SPOPL: variants seen among roughly 807,000 people sequenced by gnomAD.
SPOPL encodes the protein speckle-type POZ protein-like.
SPOPL carries 23 observed loss-of-function variants against 53.8 expected under a neutral mutation model. That is an observed-to-expected ratio of 0.43 (90% CI 0.31 to 0.61). The LOEUF (loss-of-function observed/expected upper bound fraction) is 0.61, where lower values mean the gene tolerates loss of function less well. SPOPL is among the 20% of genes least tolerant of loss of function. The probability of loss-of-function intolerance (pLI) is 0.12; values close to 1 mark genes in which losing one functional copy is unlikely to be tolerated. For missense variants in SPOPL, 442 were observed against 466.9 expected (o/e 0.95, Z 0.49); for synonymous variants, 164 against 149.7 (o/e 1.10, Z -0.70).
At chr2:138,566,090 T>A (rs1428756887) in intron 10 of SPOPL, among the ~76,000 whole-genome samples, 1 of 152,176 alleles carries the variant, frequency 6.6e-6, no homozygotes, top group African/African-American at 2.4e-5. Flanking sequence ...TTCCCATTGC[T>A]TTAATCTGTT....
At chr2:138,514,321 G>C (rs372368011) in intron 1 of SPOPL, among the ~76,000 whole-genome samples, 24 of 152,304 alleles carry the variant, frequency 1.6e-4, no homozygotes, top group East Asian at 7.7e-4. Context: ...CTGGGAGAGA[G>C]GGCTTCCGTT....
At chr2:138,527,126 T>A (rs1185630574) in intron 1 of SPOPL, among the ~76,000 whole-genome samples, 1 of 152,228 alleles carries the variant, frequency 6.6e-6, no homozygotes, top group Non-Finnish European at 1.5e-5. Context: ...CCTTTGTAGA[T>A]AACATAGAAG....
chr2:138,553,647 T>G (rs146807262), intron 5 of SPOPL, among the ~76,000 whole-genome samples: 25 of 152,234 alleles, frequency 1.6e-4, no homozygotes, highest in Admixed American at 1.6e-3. Context: ...TGTATGACAT[T>G]ATGTCAGAAG....
At chr2:138,537,664 G>A (rs933049675) in intron 1 of SPOPL, among the ~76,000 whole-genome samples, 8 of 152,210 alleles carry the variant, frequency 5.3e-5, no homozygotes, top group Non-Finnish European at 7.3e-5. Context: ...GGAGGACATT[G>A]ACTGGACCTG....
chr2:138,558,163 A>G (rs1014140042), intron 5 of SPOPL, among the ~76,000 whole-genome samples: 5 of 152,202 alleles, frequency 3.3e-5, no homozygotes, highest in African/African-American at 1.2e-4. Context: ...TTTGTCTCAA[A>G]AATAAAAAAT....
intron 1 of SPOPL, among the ~76,000 whole-genome samples, chr2:138,530,592 A>C (rs997270887): frequency 6.6e-6 from 1 of 152,122 alleles, no homozygotes; most frequent in Non-Finnish European, 1.5e-5. Flanking sequence ...TATTTCTAGG[A>C]AGTAGACTTT....
chr2:138,571,025 A>G lies in SPOPL; in HGVS notation c.*1945A>G, dbSNP rs1005856448. On this transcript the variant is annotated 3_prime_UTR_variant, in exon 11 of 11. Coordinates refer to ENST00000280098, the MANE Select transcript of SPOPL (RefSeq NM_001001664.3). ...ATACTTCATCCTGTGTAAGAGTATT[A>G]TGGGAAGTAGAAATTCACTTCCTTA... 1.3e-5 allele frequency: 2 copies of G among 152,178 alleles called. No individual in the cohort carries two copies. The highest frequency in any genetic ancestry group is 2.9e-5 in the Non-Finnish European group (2 of 68,020). 9.4% of individuals were successfully genotyped at this position (152,178 alleles called of 1,614,324 possible). A position where few individuals can be genotyped will look rare whatever the true frequency, so the allele number is the denominator to read the frequency against.
At chr2:138,550,654 C>G in intron 3 of SPOPL, 50 bp downstream of exon 3, 1 of 1,561,566 alleles carries the variant, frequency 6.4e-7, no homozygotes, top group Non-Finnish European at 8.7e-7. Flanking sequence ...TTGATGTGAT[C>G]ATCAGCTGCT....
At chr2:138,564,512 A>G in intron 8 of SPOPL, 196 bp from the exon 9 acceptor site, 1 of 579,522 alleles carries the variant, frequency 1.7e-6, no homozygotes, top group Non-Finnish European at 2.7e-6. Flanking sequence ...GCAGTTTCCT[A>G]AAGAAAATTA....
intron 1 of SPOPL, among the ~76,000 whole-genome samples, chr2:138,547,997 C>A (rs1448097778): frequency 6.6e-6 from 1 of 152,064 alleles, no homozygotes; most frequent in Non-Finnish European, 1.5e-5. Context: ...TCAGAATTAT[C>A]TTTTTCACAG....
intron 1 of SPOPL, among the ~76,000 whole-genome samples, chr2:138,514,921 G>A (rs567814677): frequency 6.6e-6 from 1 of 152,210 alleles, no homozygotes; most frequent in Non-Finnish European, 1.5e-5. Context: ...ATGGTATTAA[G>A]TTGTGGGTAG....
At chr2:138,502,434 T>C (rs1684124020) in intron 1 of SPOPL, among the ~76,000 whole-genome samples, 1 of 152,252 alleles carries the variant, frequency 6.6e-6, no homozygotes, top group Admixed American at 6.5e-5. Context: ...TCTTTTCCTC[T>C]GGCTTCTCTC....
intron 5 of SPOPL, among the ~76,000 whole-genome samples, chr2:138,555,521 G>T (rs1182261868): frequency 2.6e-5 from 4 of 152,178 alleles, no homozygotes; most frequent in South Asian, 4.1e-4. Context: ...CGCTATTCTG[G>T]AAGATATTCA....
At position 138,559,234 on chromosome 2, in the gene SPOPL, A is replaced by T. The variant is rs540752167; in HGVS notation, c.658+35A>T. The T allele has an allele frequency of 8.5e-5, 137 of 1,609,470 alleles. 2 individuals are homozygous for T. The highest frequency in any genetic ancestry group is 1.0e-4 in the Non-Finnish European group (118 of 1,177,886). On this transcript the variant is annotated intron_variant, in intron 6 of 10. Coordinates refer to ENST00000280098, the MANE Select transcript of SPOPL (RefSeq NM_001001664.3). ...AGTTATGGGGTAATATAGTACATTT[A>T]AAAAAATGCATTTATGCATAAAATA...
chr2:138,569,090 T>C lies in SPOPL; in HGVS notation c.*10T>C, dbSNP rs377546878. 2.5e-6 allele frequency: 4 copies of C among 1,609,404 alleles called. No individual in the cohort carries two copies. Among genetic ancestry groups the C allele is most frequent in the Non-Finnish European group, 3.4e-6 (4 of 1,178,422 alleles). ...GCTAAAACAGTCCTGAAATCTTCCA[T>C]GAACAGTTGAAAAATGGAATTGACT... On this transcript the variant is annotated 3_prime_UTR_variant, in exon 11 of 11. Transcript: ENST00000280098.
At chr2:138,518,351 A>G (rs990670270) in intron 1 of SPOPL, among the ~76,000 whole-genome samples, 9 of 152,160 alleles carry the variant, frequency 5.9e-5, no homozygotes, top group Non-Finnish European at 1.3e-4. Context: ...AGAATTTGCA[A>G]TAACTGTGCA....
chr2:138,567,371 TAGTGTGTGTG>T (rs1685683640), intron 10 of SPOPL, among the ~76,000 whole-genome samples: 1 of 109,578 alleles, frequency 9.1e-6, no homozygotes, highest in East Asian at 2.8e-4. Flanking sequence ...AAGAGCAGTA[TAGTGTGTGTG>T]TGTGTGTGTG....
At chr2:138,556,038 T>C (rs1218302155) in intron 5 of SPOPL, among the ~76,000 whole-genome samples, 1 of 152,190 alleles carries the variant, frequency 6.6e-6, no homozygotes, top group Non-Finnish European at 1.5e-5. Context: ...TTTTCTTAAA[T>C]ATAGGTGTCA....
chr2:138,519,920 G>A (rs1404453977), intron 1 of SPOPL, among the ~76,000 whole-genome samples: 1 of 152,200 alleles, frequency 6.6e-6, no homozygotes, highest in Non-Finnish European at 1.5e-5. Flanking sequence ...TTTTGTGAAA[G>A]TTCCAGGTAG....
Sources: gnomAD v4.1 joint callset for allele counts (sites outside exome capture counted in the v4.1 genomes callset) on GRCh38, gnomAD v4.1.1 for gene constraint, MANE v1.5 for transcripts, NCBI Gene and HGNC (gene_info 2026-07-23, HGNC 2026-07-21) for gene names.